Variants in ZNF804B observed in about 807,000 individuals in gnomAD.
The protein encoded by ZNF804B is zinc finger protein 804B.
In ZNF804B, 80 loss-of-function variants were observed where a neutral mutation model predicts 101.4. The ratio of observed to expected loss-of-function variants is 0.79; its 90% CI spans 0.66 to 0.95. The LOEUF (loss-of-function observed/expected upper bound fraction) is 0.95. Among genes scored for constraint, ZNF804B ranks in the 40% least tolerant of loss-of-function variants. The pLI is 0.00. For synonymous variants in ZNF804B, 622 were observed against 558.8 expected, an observed-to-expected ratio of 1.11 and a Z score of -1.59; for missense variants, 1,673 against 1,561.9, an observed-to-expected ratio of 1.07 and a Z score of -1.20.
chr7:88,983,191 T>C (rs1257986708), intron 1 of ZNF804B, among the ~76,000 whole-genome samples: 1 of 152,074 alleles, frequency 6.6e-6, no homozygotes, highest in Non-Finnish European at 1.5e-5. Flanking sequence ...TTGCTAGCAA[T>C]GAAGACTCTC....
At chr7:89,030,864 T>A (rs1197887053) in intron 1 of ZNF804B, among the ~76,000 whole-genome samples, 1 of 152,174 alleles carries the variant, frequency 6.6e-6, no homozygotes, top group Non-Finnish European at 1.5e-5. Flanking sequence ...ATGCTCCAGC[T>A]ATAGTGGTAG....
At chr7:88,815,716 C>T (rs1479589921) in intron 1 of ZNF804B, among the ~76,000 whole-genome samples, 2 of 152,068 alleles carry the variant, frequency 1.3e-5, no homozygotes, top group African/African-American at 4.8e-5. Context: ...TGCTTAGGTT[C>T]CCACACACCG....
rs780131291 is a variant in ZNF804B, at chr7:89,334,482, A to C, written c.1500A>C (p.Glu500Asp). Reference protein sequence around the residue: ...EDHNLEDLKTELGKKPLELKT... With the variant: ...EDHNLEDLKTDLGKKPLELKT... ...ACAATCTAGAGGACTTAAAAACAGA[A>C]TTGGGTAAGAAGCCCTTGGAATTGA... Residue 500 changes from glutamate to aspartate, a missense_variant, in exon 4 of 4, where the codon GAA becomes GAC. Glu to Asp is a conservative substitution (Grantham distance 45, BLOSUM62 2). Transcript: ENST00000333190. 6.2e-6 allele frequency: 10 copies of C among 1,613,662 alleles called. No individual in the cohort carries two copies. The African/African-American group carries it at 1.3e-4, about 22-fold the overall frequency.
chr7:89,164,106 A>G (rs1267669346), intron 1 of ZNF804B, among the ~76,000 whole-genome samples: 1 of 152,038 alleles, frequency 6.6e-6, no homozygotes, highest in East Asian at 1.9e-4. Context: ...GAAAATACTC[A>G]TTTTGTTATA....
chr7:88,916,493 C>T (rs1435565704), intron 1 of ZNF804B, among the ~76,000 whole-genome samples: 2 of 152,074 alleles, frequency 1.3e-5, no homozygotes. Flanking sequence ...TAGCAGATTC[C>T]ATTCATCTTA....
intron 1 of ZNF804B, among the ~76,000 whole-genome samples, chr7:88,881,627 C>A (rs965578270): frequency 2.0e-5 from 3 of 152,140 alleles, no homozygotes; most frequent in African/African-American, 7.2e-5. Context: ...CCTTACAAAT[C>A]CATCCCATTG....
At chr7:88,775,544 T>G (rs1482245308) in intron 1 of ZNF804B, among the ~76,000 whole-genome samples, 1 of 152,218 alleles carries the variant, frequency 6.6e-6, no homozygotes, top group East Asian at 1.9e-4. Flanking sequence ...TAACCATGAC[T>G]TTTTTGTTGT....
At chr7:88,886,227 A>G (rs1460883358) in intron 1 of ZNF804B, among the ~76,000 whole-genome samples, 3 of 152,096 alleles carry the variant, frequency 2.0e-5, no homozygotes, top group African/African-American at 7.2e-5. Context: ...TGGATTAGGG[A>G]TGATACTCTT....
At chr7:88,988,146 T>C (rs1379082660) in intron 1 of ZNF804B, among the ~76,000 whole-genome samples, 1 of 151,978 alleles carries the variant, frequency 6.6e-6, no homozygotes, top group Non-Finnish European at 1.5e-5. Flanking sequence ...CTTATTAGTT[T>C]ATTAAACAAA....
At chr7:89,247,194 C>T (rs1458377195) in intron 2 of ZNF804B, among the ~76,000 whole-genome samples, 2 of 152,214 alleles carry the variant, frequency 1.3e-5, no homozygotes, top group East Asian at 3.9e-4. Flanking sequence ...TCTCCTTTGA[C>T]ACTGATGTCT....
chr7:89,101,008 A>G (rs938507275), intron 1 of ZNF804B, among the ~76,000 whole-genome samples: 4 of 152,210 alleles, frequency 2.6e-5, no homozygotes, highest in Middle Eastern at 3.4e-3. Flanking sequence ...AATGTAATTC[A>G]TACCAAACCA....
Position 88,870,258 on chromosome 7 carries a change from G to A in ZNF804B, c.108+110174G>A, listed in dbSNP as rs544398012. Among the ~76,000 whole-genome samples, 40 of 150,846 alleles carry A rather than the reference G, an allele frequency of 2.7e-4. No individual in the cohort carries two copies. In the East Asian group the frequency reaches 6.8e-3, roughly 26 times the overall value. On this transcript the variant is annotated intron_variant, in intron 1 of 3. Coordinates refer to ENST00000333190, the MANE Select transcript of ZNF804B (RefSeq NM_181646.5). ...AAATTAGCCGGGCATGGTGGCGCGC[G>A]CCTGTAGTCCCAGCTACACGGGAGG...
rs956873278 is a variant in ZNF804B at position 89,069,541 on chromosome 7, TA to T, written c.109-148609del. On this transcript the variant is annotated intron_variant, in intron 1 of 3. Coordinates refer to ENST00000333190, the MANE Select transcript of ZNF804B (RefSeq NM_181646.5). Reference sequence around the variant, plus strand: ...ATTTCAATTTTGTAATTATATCACATAAAAATTTTGTACTTTTCAAAGTATG... The same window carrying T: ...ATTTCAATTTTGTAATTATATCACATAAAATTTTGTACTTTTCAAAGTATG... Among the ~76,000 whole-genome samples the T allele has an allele frequency of 7.9e-5, 12 of 152,302 alleles. No homozygotes were observed. The South Asian group carries it at 1.7e-3, about 21-fold the overall frequency.
At chr7:88,862,965 A>G (rs1791672199) in intron 1 of ZNF804B, among the ~76,000 whole-genome samples, 1 of 152,164 alleles carries the variant, frequency 6.6e-6, no homozygotes, top group South Asian at 2.1e-4. Context: ...AAAATTTTTG[A>G]ATGATAAGCC....
chr7:89,155,075 C>A (rs1461105640), intron 1 of ZNF804B, among the ~76,000 whole-genome samples: 1 of 152,070 alleles, frequency 6.6e-6, no homozygotes, highest in Non-Finnish European at 1.5e-5. Context: ...TTTAAAAAAT[C>A]CATATATCTT....
intron 1 of ZNF804B, among the ~76,000 whole-genome samples, chr7:88,853,695 A>T (rs1348046066): frequency 6.6e-6 from 1 of 152,128 alleles, no homozygotes; most frequent in Non-Finnish European, 1.5e-5. Flanking sequence ...ATATATTTTC[A>T]CTGAACTATC....
chr7:89,025,986 C>G (rs188332337), intron 1 of ZNF804B, among the ~76,000 whole-genome samples: 1 of 152,094 alleles, frequency 6.6e-6, no homozygotes, highest in East Asian at 1.9e-4. Context: ...TAACTGGCCC[C>G]TATCTACCCC....
intron 1 of ZNF804B, among the ~76,000 whole-genome samples, chr7:88,920,964 A>G (rs978826959): frequency 6.6e-6 from 1 of 152,058 alleles, no homozygotes; most frequent in Non-Finnish European, 1.5e-5. Flanking sequence ...ATGGATAGCA[A>G]GAGTTGTGAT....
chr7:89,264,364 T>C (rs1407364887), intron 2 of ZNF804B, among the ~76,000 whole-genome samples: 1 of 152,238 alleles, frequency 6.6e-6, no homozygotes, highest in Non-Finnish European at 1.5e-5. Context: ...GTCCTGTCTG[T>C]ATCACATATC....
Sources: allele counts gnomAD v4.1 joint callset (sites outside exome capture counted in the v4.1 genomes callset), GRCh38; gene constraint gnomAD v4.1.1; transcripts MANE v1.5; gene names NCBI Gene and HGNC (gene_info 2026-07-23, HGNC 2026-07-21).